Variants in S1PR3 observed in about 807,000 individuals in gnomAD.
The protein encoded by S1PR3 is sphingosine 1-phosphate receptor 3.
Under a neutral mutation model 13.3 loss-of-function variants are expected in S1PR3, and 12 were observed. That is an observed-to-expected ratio of 0.90 (90% CI 0.58 to 1.46). S1PR3 has a LOEUF of 1.46. Among genes scored for constraint, S1PR3 ranks in the 40% most tolerant of loss-of-function variants. The pLI, the probability that S1PR3 is intolerant of heterozygous loss-of-function variation, is 0.00. For missense variants in S1PR3, 450 were observed against 501.9 expected (o/e 0.90, Z 0.99); for synonymous variants, 232 against 214.0 (o/e 1.08, Z -0.73).
In S1PR3 at chr9:88,991,523, G is replaced by A. The variant is rs1207583122; in HGVS notation, c.-320G>A. 15 of 1,547,660 alleles carry A rather than the reference G, an allele frequency of 9.7e-6. No individual in the cohort carries two copies. Among genetic ancestry groups the A allele is most frequent in the East Asian group, 7.4e-5 (3 of 40,604 alleles). Reference sequence around the variant, plus strand: ...GCAACAGGGACTCAGGGACCAGAAGGCGGCTGCAGGACGCGACCGAGCAGG... The same window carrying A: ...GCAACAGGGACTCAGGGACCAGAAGACGGCTGCAGGACGCGACCGAGCAGG... On this transcript the variant is annotated 5_prime_UTR_variant, in exon 1 of 2. Transcript: ENST00000358157. This position sits in a 1 kb window ranked among gnomAD's most constrained non-coding sequence, Gnocchi z 4.0.
Position 89,001,182 on chromosome 9 carries a change from C to A in S1PR3, c.-19C>A, listed in dbSNP as rs747083702. 132 of 1,607,590 alleles carry A rather than the reference C, an allele frequency of 8.2e-5. No individual in the cohort carries two copies. In the South Asian group the frequency reaches 1.1e-3, roughly 13 times the overall value. On this transcript the variant is annotated 5_prime_UTR_variant, in exon 2 of 2. Coordinates refer to ENST00000358157, the MANE Select transcript of S1PR3 (RefSeq NM_005226.4). ...CCCTCTCGTGGATTTTGGAGCTAAT[C>A]GTCTGTGAATGCCAAGTGATGGCAA...
intron 1 of S1PR3, 187 bp from the exon 2 acceptor site, chr9:89,000,867 G>C (rs977825434): frequency 1.6e-5 from 5 of 320,486 alleles, no homozygotes; most frequent in Non-Finnish European, 2.9e-5. Flanking sequence ...ACACCAAATC[G>C]CTTCCCATGG....
In S1PR3 at chr9:88,991,656, G is replaced by A. The variant is rs1021729872; in HGVS notation, c.-187G>A. The A allele has an allele frequency of 6.6e-7, 1 of 1,518,922 alleles. No individual in the cohort carries two copies. Among genetic ancestry groups the A allele is most frequent in the Non-Finnish European group, 8.8e-7 (1 of 1,135,300 alleles). The allele number at this position is 1,518,922 out of a possible 1,614,324, so 94.1% of individuals were successfully genotyped here. A position where few individuals can be genotyped will look rare whatever the true frequency, so the allele number is the denominator to read the frequency against. On this transcript the variant is annotated 5_prime_UTR_variant, in exon 1 of 2. Coordinates refer to ENST00000358157, the MANE Select transcript of S1PR3 (RefSeq NM_005226.4). This position sits in a 1 kb window ranked among gnomAD's most constrained non-coding sequence, Gnocchi z 4.0. ...GCCCCGGCACCGCCGCGCGCCACCC[G>A]CTAGGATGCCGGTGGCCCCAGCGCC...
In S1PR3 at chr9:88,991,941, A is replaced by C. The variant is rs1247622420; in HGVS notation, c.-148+246A>C. ...GCTGAATACCTGGATGAAAGTGGAG[A>C]GGCTGTTCGTGGAGAAGTTCCATCA... On this transcript the variant is annotated intron_variant, in intron 1 of 1. Transcript: ENST00000358157. This position sits in a 1 kb window ranked among gnomAD's most constrained non-coding sequence, Gnocchi z 4.0. The C allele has an allele frequency of 6.2e-7, 1 of 1,614,190 alleles. No homozygotes were observed. The highest frequency in any genetic ancestry group is 8.5e-7 in the Non-Finnish European group (1 of 1,180,022).
At chr9:88,998,935 G>A (rs948320989) in intron 1 of S1PR3, 1 of 152,544 alleles carries the variant, frequency 6.6e-6, no homozygotes, top group African/African-American at 2.4e-5. Context: ...GGCTGGCATG[G>A]GTGAGCCACA....
In S1PR3 at chr9:89,001,276, G is replaced by C. The variant is rs554136674; in HGVS notation, c.76G>C (p.Gly26Arg). Residue 26 changes from glycine (G) to arginine (R), a missense_variant, in exon 2 of 2, where the codon GGG becomes CGG. Coordinates refer to ENST00000358157, the MANE Select transcript of S1PR3 (RefSeq NM_005226.4). Reference protein sequence around the residue: ...ETLREHYQYVGKLAGRLKEAS... With the variant: ...ETLREHYQYVRKLAGRLKEAS... Reference sequence around the variant, plus strand: ...CCTGCGGGAGCATTACCAGTACGTGGGGAAGTTGGCGGGCAGGCTGAAGGA... The same window carrying C: ...CCTGCGGGAGCATTACCAGTACGTGCGGAAGTTGGCGGGCAGGCTGAAGGA... The C allele has an allele frequency of 6.2e-7, 1 of 1,614,174 alleles. No homozygotes were observed. The highest frequency in any genetic ancestry group is 1.7e-5 in the Admixed American group (1 of 60,028).
chr9:89,000,822 T>C (rs932974737), intron 1 of S1PR3: 9 of 274,090 alleles, frequency 3.3e-5, no homozygotes, highest in Middle Eastern at 2.6e-3. Flanking sequence ...GATTCAATAA[T>C]TCATGCACTG....
Position 88,991,735 on chromosome 9 carries a change from G to C in S1PR3, c.-148+40G>C. 1.9e-6 allele frequency: 3 copies of C among 1,545,282 alleles called. No individual in the cohort carries two copies. Among genetic ancestry groups the C allele is most frequent in the Non-Finnish European group, 2.6e-6 (3 of 1,143,788 alleles). The stretch of plus-strand genomic sequence containing the variant: ...CGGGCGGGGCGCGGAACCAGGGTGG[G>C]GGGCTGGGGGCCGAAGGACCCACCT... On this transcript the variant is annotated intron_variant, in intron 1 of 1. Transcript: ENST00000358157. The surrounding 1 kb of genome is among the most constrained non-coding windows in gnomAD (Gnocchi z 4.0).
At position 89,003,120 on chromosome 9, in the gene S1PR3, A is replaced by G. The variant is rs926516885; in HGVS notation, c.*783A>G. 3 of 167,094 alleles carry G rather than the reference A, an allele frequency of 1.8e-5. No individual in the cohort carries two copies. Among genetic ancestry groups the G allele is most frequent in the Admixed American group, 1.3e-4 (2 of 15,284 alleles). The allele number at this position is 167,094 out of a possible 1,614,324, so 10.4% of individuals were successfully genotyped here. ...TCTGCAAATTACAGAAGAGCCAGCC[A>G]AGATCACCCAGGAGCTTGTGCCCCC... is the stretch of plus-strand genomic sequence containing the variant. On this transcript the variant is annotated 3_prime_UTR_variant, in exon 2 of 2. Coordinates refer to ENST00000358157, the MANE Select transcript of S1PR3 (RefSeq NM_005226.4).
chr9:89,001,499 G>T lies in S1PR3; in HGVS notation c.299G>T (p.Gly100Val), dbSNP rs2118603658. Reference sequence around the variant, plus strand: ...TACAAGGTCAACATTCTGATGTCTGGCAAGAAGACGTTCAGCCTGTCTCCC... The same window carrying T: ...TACAAGGTCAACATTCTGATGTCTGTCAAGAAGACGTTCAGCCTGTCTCCC... Reference protein sequence around the residue: ...IAYKVNILMSGKKTFSLSPTV... With the variant: ...IAYKVNILMSVKKTFSLSPTV... Residue 100 changes from glycine to valine, a missense_variant, in exon 2 of 2, where the codon GGC (glycine) becomes GTC (valine). By Grantham distance (109) the Gly-to-Val change is moderately radical. Coordinates refer to ENST00000358157, the MANE Select transcript of S1PR3 (RefSeq NM_005226.4). 6.2e-7 allele frequency: 1 copy of T among 1,614,226 alleles called. No individual in the cohort carries two copies. The highest frequency in any genetic ancestry group is 8.5e-7 in the Non-Finnish European group (1 of 1,180,038).
chr9:88,998,777 G>C (rs1825835213), intron 1 of S1PR3: 2 of 152,256 alleles, frequency 1.3e-5, no homozygotes. Context: ...CTTGAGGCTT[G>C]AAGGATGGGC....
rs1218765461 is a variant in S1PR3, at chr9:89,003,285, C to A, written c.*948C>A. 1.2e-5 allele frequency: 2 copies of A among 167,136 alleles called. No individual in the cohort carries two copies. Among genetic ancestry groups the A allele is most frequent in the Non-Finnish European group, 2.9e-5 (2 of 68,134 alleles). The allele number at this position is 167,136 out of a possible 1,614,324, so 10.4% of individuals were successfully genotyped here. A position where few individuals can be genotyped will look rare whatever the true frequency, so the allele number is the denominator to read the frequency against. On this transcript the variant is annotated 3_prime_UTR_variant, in exon 2 of 2. Transcript: ENST00000358157. ...AAATGAGCAGAGATTCACAAGACAG[C>A]ACTTTGATTCTATGTTGAGTTTGTT...
intron 1 of S1PR3, chr9:88,994,322 G>A (rs1825770706): frequency 6.0e-6 from 1 of 167,184 alleles, no homozygotes; most frequent in African/African-American, 2.4e-5. Flanking sequence ...CATGGTGCAA[G>A]GTGGCACGCA....
chr9:88,991,420 C>T (rs1385413796), upstream of S1PR3: 1 of 1,530,162 alleles, frequency 6.5e-7, no homozygotes, highest in Admixed American at 2.0e-5. The surrounding 1 kb of genome is among the most constrained non-coding windows in gnomAD (Gnocchi z 4.0). Flanking sequence ...AGCGCGGGTC[C>T]CGCCCCGGCG....
rs1825912997 is a variant in S1PR3 at position 89,004,692 on chromosome 9, G to A, written c.*2355G>A. 6.0e-6 allele frequency: 1 copy of A among 167,050 alleles called. No homozygotes were observed. Among genetic ancestry groups the A allele is most frequent in the South Asian group, 2.1e-4 (1 of 4,830 alleles). 10.3% of individuals were successfully genotyped at this position (167,050 alleles called of 1,614,324 possible). The stretch of plus-strand genomic sequence containing the variant: ...TATCAATATTTGTGGTATGACATAA[G>A]GCTCCCTTGAAATAACAAGACTTTT... On this transcript the variant is annotated 3_prime_UTR_variant, in exon 2 of 2. Transcript: ENST00000358157.
upstream of S1PR3, chr9:88,990,930 A>C: frequency 6.3e-7 from 1 of 1,595,684 alleles, no homozygotes; most frequent in Non-Finnish European, 8.5e-7. Context: ...GCCCAAACAA[A>C]AACGCTGTCC....
Position 89,001,051 on chromosome 9 carries a change from C to T in S1PR3, c.-147-3C>T, listed in dbSNP as rs561572473. The T allele has an allele frequency of 1.3e-5, 11 of 828,514 alleles. 1 individual carries two copies. The South Asian group carries it at 1.7e-4, about 13-fold the overall frequency. The allele number at this position is 828,514 out of a possible 1,614,324, so 51.3% of individuals were successfully genotyped here. On this transcript the variant is annotated splice_polypyrimidine_tract_variant and splice_region_variant and intron_variant, in intron 1 of 1. Transcript: ENST00000358157. ...GTCGCTCCCTCTTTTTATCTGTTGG[C>T]AGGAGCCCTTTTTCAACGCCCTCGC...
upstream of S1PR3, chr9:88,990,996 A>G: frequency 1.2e-6 from 2 of 1,613,190 alleles, no homozygotes; most frequent in Non-Finnish European, 1.7e-6. Context: ...TACAAAAGAA[A>G]TGGTCAGGAT....
Position 89,004,893 on chromosome 9 carries a change from T to G in S1PR3, c.*2556T>G, listed in dbSNP as rs1021290681. 2 of 167,134 alleles carry G rather than the reference T, an allele frequency of 1.2e-5. No homozygotes were observed. The highest frequency in any genetic ancestry group is 1.3e-4 in the Admixed American group (2 of 15,296). The allele number at this position is 167,134 out of a possible 1,614,324, so 10.4% of individuals were successfully genotyped here. On this transcript the variant is annotated 3_prime_UTR_variant, in exon 2 of 2. Coordinates refer to ENST00000358157, the MANE Select transcript of S1PR3 (RefSeq NM_005226.4). ...CCTTGAAGTTTGGAAACAGGTGGTC[T>G]TCTATGCTGCAGAGAAACTATGCAT... is the stretch of plus-strand genomic sequence containing the variant.
Sources: gnomAD v4.1 joint callset for allele counts on GRCh38, gnomAD v4.1.1 for gene constraint, Gnocchi (gnomAD v3.1) non-coding constraint, MANE v1.5 for transcripts, NCBI Gene and HGNC (gene_info 2026-07-23, HGNC 2026-07-21) for gene names.